UPF2: variants seen among roughly 807,000 people sequenced by gnomAD.
UPF2 encodes the protein UPF2 regulator of nonsense mediated mRNA decay, also known as regulator of nonsense transcripts 2.
A neutral mutation model predicts 141.4 loss-of-function variants in UPF2; 17 were observed. The ratio of observed to expected loss-of-function variants is 0.12; its 90% confidence interval spans 0.08 to 0.18. The LOEUF (loss-of-function observed/expected upper bound fraction) is 0.18, where lower values mean the gene tolerates loss of function less well. Ranked by LOEUF, UPF2 falls within the 10% of genes least tolerant of loss-of-function variation. The pLI is 1.00. For synonymous variants in UPF2, 540 were observed against 498.0 expected (o/e 1.08, Z -1.12); for missense variants, 1,152 against 1,515.9 (o/e 0.76, Z 3.99).
At chr10:11,978,826 A>T (rs1309984154) in intron 9 of UPF2, among the ~76,000 whole-genome samples, 1 of 152,178 alleles carries the variant, frequency 6.6e-6, no homozygotes, top group Non-Finnish European at 1.5e-5. Context: ...CTGTTCCCGC[A>T]ATGGGGGAAC....
In UPF2 at chr10:11,959,961, T is replaced by C. The variant is rs1215532462; in HGVS notation, c.2185-605A>G. ...TACCAAGGTAACTTCTTTCATAACT[T>C]TGTGTCTAGGGTTGCTCAGTATCAG... On this transcript the variant is annotated intron_variant, in intron 11 of 21. Transcript: ENST00000357604. This position sits in a 1 kb window ranked among gnomAD's most constrained non-coding sequence, Gnocchi z 5.9. Among the ~76,000 whole-genome samples the C allele has an allele frequency of 2.0e-5, 3 of 152,214 alleles. No homozygotes were observed. The highest frequency in any genetic ancestry group is 7.2e-5 in the African/African-American group (3 of 41,444).
chr10:11,960,767 T>C (rs1588538106), intron 11 of UPF2, among the ~76,000 whole-genome samples: 1 of 148,056 alleles, frequency 6.8e-6, no homozygotes, highest in East Asian at 2.0e-4. Flanking sequence ...TAAGACCTTA[T>C]CTCTTAATAA....
chr10:12,002,107 C>T (rs1055747290), intron 5 of UPF2, among the ~76,000 whole-genome samples: 1 of 151,982 alleles, frequency 6.6e-6, no homozygotes, highest in Non-Finnish European at 1.5e-5. Flanking sequence ...CCCATCTCTA[C>T]TAAAAATACA....
At position 11,953,920 on chromosome 10, in the gene UPF2, T is replaced by A. The variant is rs1032190496; in HGVS notation, c.2850+1312A>T. Among the ~76,000 whole-genome samples the A allele has an allele frequency of 6.6e-6, 1 of 152,222 alleles. No individual in the cohort carries two copies. The highest frequency in any genetic ancestry group is 1.5e-5 in the Non-Finnish European group (1 of 68,034). ...ACCATGTGGATGTATTTTTGATACT[T>A]CAAGTTACATTAAACTTATTTTCTT... is the stretch of plus-strand genomic sequence containing the variant. On this transcript the variant is annotated intron_variant, in intron 14 of 21. Transcript: ENST00000357604. The surrounding 1 kb of genome is among the most constrained non-coding windows in gnomAD (Gnocchi z 5.0).
At chr10:11,951,172 C>T (rs1163915923) in intron 15 of UPF2, among the ~76,000 whole-genome samples, 4 of 152,138 alleles carry the variant, frequency 2.6e-5, no homozygotes, top group African/African-American at 9.7e-5. Flanking sequence ...AAGCGATTCT[C>T]CTGCCTCAGC....
rs1833101121 is a variant in UPF2 at position 11,953,293 on chromosome 10, C to G, written c.2851-1044G>C. ...CTTCTTAGAAATGTAGAATCTCAGG[C>G]CTCCCCCTAGGTCAACTGAATCAGA... On this transcript the variant is annotated intron_variant, in intron 14 of 21. Coordinates refer to ENST00000357604, the MANE Select transcript of UPF2 (RefSeq NM_015542.4). The surrounding 1 kb of genome is among the most constrained non-coding windows in gnomAD (Gnocchi z 5.0). 6.6e-6 allele frequency among the ~76,000 whole-genome samples: 1 copy of G among 152,148 alleles called. No homozygotes were observed. Among genetic ancestry groups the G allele is most frequent in the Non-Finnish European group, 1.5e-5 (1 of 68,020 alleles).
At chr10:11,975,046 G>A (rs1588546897) in intron 9 of UPF2, among the ~76,000 whole-genome samples, 1 of 152,290 alleles carries the variant, frequency 6.6e-6, no homozygotes, top group East Asian at 1.9e-4. Context: ...TCAAAAAGTT[G>A]GAAGATGATT....
Position 12,014,012 on chromosome 10 carries a change from GA to G in UPF2, c.1306+11del, listed in dbSNP as rs1473135505. 1 of 1,516,586 alleles carries G rather than the reference GA, an allele frequency of 6.6e-7. No homozygotes were observed. The highest frequency in any genetic ancestry group is 2.0e-5 in the Admixed American group (1 of 48,818). The allele number at this position is 1,516,586 out of a possible 1,614,324, so 93.9% of individuals were successfully genotyped here. On this transcript the variant is annotated intron_variant, in intron 4 of 21. Transcript: ENST00000357604. The surrounding 1 kb of genome is among the most constrained non-coding windows in gnomAD (Gnocchi z 5.0). ...AGAAAACACAATGTTTGTTTTTAAGGATATCTCTTACCTTCTGGTGTTGGTT... is the reference window on the plus strand; with the variant it reads ...AGAAAACACAATGTTTGTTTTTAAGGTATCTCTTACCTTCTGGTGTTGGTT...
chr10:12,041,059 A>G (rs942360994), intron 1 of UPF2, among the ~76,000 whole-genome samples: 1 of 152,210 alleles, frequency 6.6e-6, no homozygotes, highest in Admixed American at 6.5e-5. Flanking sequence ...ACCTACACTA[A>G]AACGAATAAA....
Position 11,931,505 on chromosome 10 carries a change from G to GA in UPF2, c.3688+135dup. On this transcript the variant is annotated intron_variant, in intron 20 of 21. Coordinates refer to ENST00000357604, the MANE Select transcript of UPF2 (RefSeq NM_015542.4). This position sits in a 1 kb window ranked among gnomAD's most constrained non-coding sequence, Gnocchi z 5.9. ...ATTGTTATTTTACAAATAAGTGAAA[G>GA]AAAAACAGTGGGATACAAAATGAAT... The GA allele has an allele frequency of 1.0e-6, 1 of 972,044 alleles. No individual in the cohort carries two copies. The highest frequency in any genetic ancestry group is 1.4e-6 in the Non-Finnish European group (1 of 701,174). The allele number at this position is 972,044 out of a possible 1,614,324, so 60.2% of individuals were successfully genotyped here.
chr10:11,929,012 G>A (rs368798487), intron 21 of UPF2, among the ~76,000 whole-genome samples: 74 of 152,250 alleles, frequency 4.9e-4, no homozygotes, highest in East Asian at 4.1e-3. Context: ...AGCCAGATGC[G>A]GTGGCATGCC....
chr10:11,973,288 T>C (rs1833451309), intron 9 of UPF2, among the ~76,000 whole-genome samples: 1 of 152,204 alleles, frequency 6.6e-6, no homozygotes, highest in Non-Finnish European at 1.5e-5. Flanking sequence ...ATATTAGCCC[T>C]TTGTCAGATG....
At chr10:12,023,027 A>G (rs1834345675) in intron 3 of UPF2, among the ~76,000 whole-genome samples, 2 of 152,220 alleles carry the variant, frequency 1.3e-5, no homozygotes, top group Non-Finnish European at 2.9e-5. Flanking sequence ...GGAGAAAAAA[A>G]GGAATAAAGA....
intron 8 of UPF2, among the ~76,000 whole-genome samples, chr10:11,995,892 C>T (rs1161044056): frequency 4.6e-5 from 7 of 152,294 alleles, no homozygotes; most frequent in East Asian, 1.9e-4. Flanking sequence ...TCCCAATCCC[C>T]ACCCATCCCT....
chr10:11,961,398 G>A (rs1456167036), intron 11 of UPF2, among the ~76,000 whole-genome samples: 24 of 151,996 alleles, frequency 1.6e-4, no homozygotes, highest in Non-Finnish European at 7.4e-5. Context: ...GATAACAAAG[G>A]CTGAAGAACC....
intron 18 of UPF2, among the ~76,000 whole-genome samples, chr10:11,938,908 C>T (rs562053367): frequency 7.7e-6 from 1 of 129,394 alleles, no homozygotes; most frequent in Non-Finnish European, 1.6e-5. Flanking sequence ...CTCTGTCCCC[C>T]CCATGCAGAG....
chr10:12,030,004 G>A (rs972046501), intron 2 of UPF2, among the ~76,000 whole-genome samples: 2 of 150,074 alleles, frequency 1.3e-5, no homozygotes, highest in Admixed American at 6.6e-5. Context: ...TTTTACTAAC[G>A]ACTAACGATA....
At chr10:11,945,980 T>G (rs78645963) in intron 16 of UPF2, among the ~76,000 whole-genome samples, 8 of 152,136 alleles carry the variant, frequency 5.3e-5, no homozygotes, top group African/African-American at 1.9e-4. Flanking sequence ...AGCAATATAA[T>G]GTTCATCTAG....
rs1241335862 is a variant in UPF2 at position 11,953,087 on chromosome 10, T to G, written c.2851-838A>C. ...GCATGGTGTGGATATTTTCCCTCTC[T>G]ACTCCAAGCCTGGTTCCCACATTCT... On this transcript the variant is annotated intron_variant, in intron 14 of 21. Transcript: ENST00000357604. The surrounding 1 kb of genome is among the most constrained non-coding windows in gnomAD (Gnocchi z 5.0). 6.6e-6 allele frequency among the ~76,000 whole-genome samples: 1 copy of G among 152,238 alleles called. No individual in the cohort carries two copies. Among genetic ancestry groups the G allele is most frequent in the African/African-American group, 2.4e-5 (1 of 41,460 alleles).
Sources: allele counts gnomAD v4.1 joint callset (sites outside exome capture counted in the v4.1 genomes callset), GRCh38; gene constraint gnomAD v4.1.1; non-coding constraint Gnocchi (gnomAD v3.1); transcripts MANE v1.5; gene names NCBI Gene and HGNC (gene_info 2026-07-23, HGNC 2026-07-21).